The following HTT-AS variants were observed in gnomAD, a reference collection of about 807,000 sequenced individuals.
The protein encoded by HTT-AS is HTT antisense RNA.
chr4:3,052,340 T>C (rs1490263335), intron 2 of HTT-AS, among the ~76,000 whole-genome samples: 1 of 152,180 alleles, frequency 6.6e-6, no homozygotes, highest in Non-Finnish European at 1.5e-5. Context: ...AAAAGAACTT[T>C]TATTAAAGAG....
At chr4:3,047,061 C>T (rs1055366038), downstream of HTT-AS, among the ~76,000 whole-genome samples, 16 of 152,184 alleles carry the variant, frequency 1.1e-4, no homozygotes, top group African/African-American at 3.9e-4. Flanking sequence ...CCTATAATCC[C>T]AGCACTTTGG....
At chr4:3,062,339 T>C (rs942541492) in intron 2 of HTT-AS, among the ~76,000 whole-genome samples, 1 of 152,162 alleles carries the variant, frequency 6.6e-6, no homozygotes, top group Non-Finnish European at 1.5e-5. Context: ...CTAGTCTACA[T>C]TTTTATAAAT....
At chr4:3,067,147 A>C (rs1712071861) in intron 1 of HTT-AS, among the ~76,000 whole-genome samples, 1 of 152,258 alleles carries the variant, frequency 6.6e-6, no homozygotes, top group Non-Finnish European at 1.5e-5. Context: ...AAATAGCCAG[A>C]GAGAACTAGG....
At chr4:3,047,334 C>T (rs1460552458), downstream of HTT-AS, among the ~76,000 whole-genome samples, 2 of 151,846 alleles carry the variant, frequency 1.3e-5, no homozygotes, top group South Asian at 2.1e-4. Flanking sequence ...AAAAACAAAA[C>T]AAAACAAAAC....
At chr4:3,056,974 T>A (rs1263984345) in intron 2 of HTT-AS, among the ~76,000 whole-genome samples, 1 of 152,158 alleles carries the variant, frequency 6.6e-6, no homozygotes. Context: ...TGAATTTGAC[T>A]ACTCTACATC....
intron 1 of HTT-AS, among the ~76,000 whole-genome samples, chr4:3,064,099 T>TTC (rs1009163894): frequency 6.7e-6 from 1 of 149,716 alleles, no homozygotes; most frequent in African/African-American, 2.4e-5. Flanking sequence ...TAATAAAGTT[T>TTC]TTTTTTTTTT....
chr4:3,062,866 G>A (rs1333468828), exon 2 of HTT-AS, among the ~76,000 whole-genome samples: 1 of 152,096 alleles, frequency 6.6e-6, no homozygotes, highest in Non-Finnish European at 1.5e-5. Flanking sequence ...GCAAGCCATG[G>A]TTTTAAATAA....
At chr4:3,070,923 G>A (rs1013578169) in intron 1 of HTT-AS, among the ~76,000 whole-genome samples, 2 of 152,202 alleles carry the variant, frequency 1.3e-5, no homozygotes, top group African/African-American at 4.8e-5. Context: ...GAGACACCAT[G>A]CCAGACTGCC....
chr4:3,071,777 G>C (rs1465519401), intron 1 of HTT-AS, among the ~76,000 whole-genome samples: 4 of 152,124 alleles, frequency 2.6e-5, no homozygotes, highest in Non-Finnish European at 4.4e-5. Context: ...GAAGAGATTA[G>C]GACACGGACA....
chr4:3,057,901 G>A (rs1711840278), intron 2 of HTT-AS, among the ~76,000 whole-genome samples: 1 of 152,000 alleles, frequency 6.6e-6, no homozygotes, highest in Non-Finnish European at 1.5e-5. Context: ...GGGATTACAG[G>A]CGTGAGCCAC....
chr4:3,061,421 C>T (rs1340470270), intron 2 of HTT-AS, among the ~76,000 whole-genome samples: 1 of 152,192 alleles, frequency 6.6e-6, no homozygotes, highest in Non-Finnish European at 1.5e-5. Flanking sequence ...TGGCTCATGC[C>T]TGTAATGCCA....
At chr4:3,073,418 G>T (rs1712243946) in intron 1 of HTT-AS, among the ~76,000 whole-genome samples, 1 of 152,234 alleles carries the variant, frequency 6.6e-6, no homozygotes, top group Non-Finnish European at 1.5e-5. Context: ...GCGTGAGGGG[G>T]TGCCCCACAG....
chr4:3,050,390 A>G (rs1324634621), intron 2 of HTT-AS, among the ~76,000 whole-genome samples: 1 of 152,210 alleles, frequency 6.6e-6, no homozygotes, highest in African/African-American at 2.4e-5. Context: ...TACTTGGGTT[A>G]GCAGTTCTAT....
chr4:3,054,796 C>T (rs991265085), intron 2 of HTT-AS, among the ~76,000 whole-genome samples: 6 of 151,500 alleles, frequency 4.0e-5, no homozygotes, highest in African/African-American at 1.5e-4. Context: ...CTCACTGCAA[C>T]CTCTGCCCCC....
At chr4:3,049,168 A>C (rs1017126031) in exon 3 of HTT-AS, among the ~76,000 whole-genome samples, 2 of 152,152 alleles carry the variant, frequency 1.3e-5, no homozygotes, top group African/African-American at 4.8e-5. Context: ...GCATGCCTGT[A>C]ATCCCAGCAC....
At chr4:3,060,215 A>C (rs1711899661) in intron 2 of HTT-AS, among the ~76,000 whole-genome samples, 1 of 152,134 alleles carries the variant, frequency 6.6e-6, no homozygotes, top group South Asian at 2.1e-4. Context: ...AATTTTAAGA[A>C]GTCCTCATTT....
exon 3 of HTT-AS, among the ~76,000 whole-genome samples, chr4:3,049,095 C>T (rs974037370): frequency 2.6e-5 from 4 of 152,156 alleles, no homozygotes; most frequent in African/African-American, 9.7e-5. Flanking sequence ...TTCTATTATT[C>T]ATAGAGGCAT....
At chr4:3,065,475 C>T (rs558230869) in intron 1 of HTT-AS, among the ~76,000 whole-genome samples, 1 of 152,268 alleles carries the variant, frequency 6.6e-6, no homozygotes, top group East Asian at 1.9e-4. Flanking sequence ...AACTCCCAAC[C>T]TCACGTACTG....
intron 1 of HTT-AS, among the ~76,000 whole-genome samples, chr4:3,069,536 A>G (rs1015303360): frequency 6.6e-6 from 1 of 152,132 alleles, no homozygotes; most frequent in African/African-American, 2.4e-5. Context: ...AGCTGGTAGG[A>G]TATACAGAAA....
Sources: gnomAD v4.1 joint callset for allele counts (sites outside exome capture counted in the v4.1 genomes callset) on GRCh38, gnomAD v4.1.1 for gene constraint, MANE v1.5 for transcripts, NCBI Gene and HGNC (gene_info 2026-07-23, HGNC 2026-07-21) for gene names.